Variants in THADA observed in about 807,000 individuals in gnomAD.
THADA encodes the protein tRNA (32-2'-O)-methyltransferase regulator THADA.
THADA carries 213 observed loss-of-function variants against 219.8 expected under a neutral mutation model. The ratio of observed to expected loss-of-function variants is 0.97; its 90% confidence interval spans 0.87 to 1.09. THADA has a LOEUF of 1.09. Ranked by LOEUF, THADA falls within the 50% of genes least tolerant of loss-of-function variation. The pLI is 0.00. For synonymous variants in THADA, 1,018 were observed against 828.9 expected, an observed-to-expected ratio of 1.23 and a Z score of -3.92; for missense variants, 2,956 against 2,311.3, an observed-to-expected ratio of 1.28 and a Z score of -5.72.
intron 30 of THADA, among the ~76,000 whole-genome samples, chr2:43,339,129 G>A (rs1196462806): frequency 6.6e-6 from 1 of 152,086 alleles, no homozygotes; most frequent in African/African-American, 2.4e-5. Flanking sequence ...ATTGTGGTAA[G>A]AATAGACTTT....
At chr2:43,393,396 A>G (rs1416017396) in intron 29 of THADA, among the ~76,000 whole-genome samples, 1 of 152,192 alleles carries the variant, frequency 6.6e-6, no homozygotes, top group African/African-American at 2.4e-5. Context: ...AAATAGGAAC[A>G]CAGGCTTTAG....
At chr2:43,315,895 G>C (rs968669890) in intron 31 of THADA, among the ~76,000 whole-genome samples, 2 of 152,220 alleles carry the variant, frequency 1.3e-5, no homozygotes, top group Non-Finnish European at 1.5e-5. Context: ...CTCTGTCTTA[G>C]ATCGTCCAAT....
At chr2:43,307,419 G>T (rs982266790) in intron 31 of THADA, among the ~76,000 whole-genome samples, 1 of 151,648 alleles carries the variant, frequency 6.6e-6, no homozygotes, top group Admixed American at 6.6e-5. Context: ...ATACTGATTT[G>T]CACATGCAAG....
At chr2:43,481,839 G>A (rs909663451) in intron 26 of THADA, among the ~76,000 whole-genome samples, 2 of 152,158 alleles carry the variant, frequency 1.3e-5, no homozygotes, top group Admixed American at 6.5e-5. Context: ...CCTGCATGAA[G>A]CTTTGGCAAA....
At chr2:43,439,761 G>A (rs1171014578) in intron 26 of THADA, among the ~76,000 whole-genome samples, 2 of 152,086 alleles carry the variant, frequency 1.3e-5, no homozygotes, top group South Asian at 2.1e-4. Flanking sequence ...CATCCACTGG[G>A]GGTCTTGAAA....
intron 22 of THADA, among the ~76,000 whole-genome samples, chr2:43,514,503 T>C (rs1264042003): frequency 7.3e-6 from 1 of 137,450 alleles, no homozygotes; most frequent in Admixed American, 8.1e-5. Flanking sequence ...TATATACGTA[T>C]ATTTTATATA....
In THADA at chr2:43,592,385, A is replaced by G. The variant is rs762085952; in HGVS notation, c.8T>C (p.Val3Ala). 13 of 1,600,264 alleles carry G rather than the reference A, an allele frequency of 8.1e-6. 1 individual carries two copies. In the South Asian group the frequency reaches 1.5e-4, roughly 18 times the overall value. Residue 3 changes from valine to alanine, a missense_variant, in exon 2 of 38, where the codon GTA (valine) becomes GCA (alanine). Transcript: ENST00000405975. MGVKKKKEMQVAA... is the reference protein window; with the variant it reads MGAKKKKEMQVAA... ...AACTTGCATTTCTTTCTTCTTCTTTACACCCATTTTAAATAGAATTAATAG... is the reference window on the plus strand; with the variant it reads ...AACTTGCATTTCTTTCTTCTTCTTTGCACCCATTTTAAATAGAATTAATAG...
rs553059403 is a variant in THADA at position 43,485,147 on chromosome 2, C to G, written c.3836+87G>C. Reference sequence around the variant, plus strand: ...TTTTATGCTCTAGATGAATCTATAACAGTAGGCACAATTTCAAAATTTGTT... The same window carrying G: ...TTTTATGCTCTAGATGAATCTATAAGAGTAGGCACAATTTCAAAATTTGTT... On this transcript the variant is annotated intron_variant, in intron 26 of 37. Coordinates refer to ENST00000405975, the MANE Select transcript of THADA (RefSeq NM_022065.5). 9 of 942,024 alleles carry G rather than the reference C, an allele frequency of 9.6e-6. No individual in the cohort carries two copies. In the African/African-American group the frequency reaches 9.8e-5, roughly 10 times the overall value. The allele number at this position is 942,024 out of a possible 1,614,324, so 58.4% of individuals were successfully genotyped here.
chr2:43,417,070 G>A (rs534154989), intron 28 of THADA, among the ~76,000 whole-genome samples: 2 of 133,598 alleles, frequency 1.5e-5, no homozygotes, highest in South Asian at 2.4e-4. Context: ...GAGACGGAGT[G>A]GCTGTTTTCT....
intron 26 of THADA, among the ~76,000 whole-genome samples, chr2:43,434,420 C>T (rs981386247): frequency 3.3e-5 from 5 of 152,166 alleles, no homozygotes; most frequent in Non-Finnish European, 7.3e-5. Flanking sequence ...TGCCTTCGTG[C>T]CCAAATGCTG....
chr2:43,247,575 A>G (rs1427036286), intron 36 of THADA, among the ~76,000 whole-genome samples: 1 of 151,928 alleles, frequency 6.6e-6, no homozygotes, highest in Non-Finnish European at 1.5e-5. Flanking sequence ...CTAAAAATAT[A>G]AAAATCAGCT....
chr2:43,266,269 G>A (rs1200005522), intron 36 of THADA, among the ~76,000 whole-genome samples: 2 of 152,082 alleles, frequency 1.3e-5, no homozygotes, highest in Non-Finnish European at 2.9e-5. Flanking sequence ...GAAACAATAG[G>A]TCTGCCTGTC....
chr2:43,578,264 T>C (rs1169783808), intron 9 of THADA, among the ~76,000 whole-genome samples: 2 of 151,388 alleles, frequency 1.3e-5, no homozygotes, highest in Non-Finnish European at 2.9e-5. Flanking sequence ...TACCTCAACC[T>C]CTCAAAGAGC....
chr2:43,546,034 C>CA, intron 20 of THADA, among the ~76,000 whole-genome samples: 1 of 150,204 alleles, frequency 6.7e-6, no homozygotes, highest in African/African-American at 2.5e-5. Flanking sequence ...TCCCTCTACA[C>CA]ACTGCTTTGA....
At chr2:43,354,329 A>G (rs1668634327) in intron 29 of THADA, among the ~76,000 whole-genome samples, 1 of 152,100 alleles carries the variant, frequency 6.6e-6, no homozygotes, top group Admixed American at 6.6e-5. Context: ...ATATAGGCAT[A>G]CGATGTGTAC....
chr2:43,383,646 T>C (rs1293260970), intron 29 of THADA, among the ~76,000 whole-genome samples: 2 of 152,222 alleles, frequency 1.3e-5, no homozygotes, highest in Non-Finnish European at 2.9e-5. Context: ...ATGCAGATTC[T>C]AATTCAAGAG....
At chr2:43,455,405 T>C (rs1455402078) in intron 26 of THADA, among the ~76,000 whole-genome samples, 1 of 152,172 alleles carries the variant, frequency 6.6e-6, no homozygotes, top group Non-Finnish European at 1.5e-5. Context: ...TTTCTATTGT[T>C]GATTATAAAT....
chr2:43,315,090 T>C (rs1677929045), intron 31 of THADA, among the ~76,000 whole-genome samples: 1 of 152,228 alleles, frequency 6.6e-6, no homozygotes, highest in South Asian at 2.1e-4. Flanking sequence ...ATTTACAGAA[T>C]AGGACTGGAG....
chr2:43,590,348 A>C (rs1430436365), intron 4 of THADA, among the ~76,000 whole-genome samples: 1 of 152,158 alleles, frequency 6.6e-6, no homozygotes, highest in Non-Finnish European at 1.5e-5. Context: ...CTGTTTATTA[A>C]GCATGTGACC....
Sources: allele counts gnomAD v4.1 joint callset (sites outside exome capture counted in the v4.1 genomes callset), GRCh38; gene constraint gnomAD v4.1.1; transcripts MANE v1.5; gene names NCBI Gene and HGNC (gene_info 2026-07-23, HGNC 2026-07-21).